Variants in DPYD observed in about 807,000 individuals in gnomAD.
DPYD encodes the protein dihydropyrimidine dehydrogenase [NADP(+)].
A neutral mutation model predicts 116.2 loss-of-function variants in DPYD; 109 were observed. The ratio of observed to expected loss-of-function variants is 0.94; its 90% confidence interval spans 0.80 to 1.10. DPYD has a LOEUF of 1.10. DPYD is among the 50% of genes least tolerant of loss of function. The pLI is 0.00. For synonymous variants in DPYD, 440 were observed against 432.0 expected (o/e 1.02, Z -0.23); for missense variants, 1,302 against 1,254.5 (o/e 1.04, Z -0.57).
At chr1:97,784,818 C>T (rs1226389591) in intron 3 of DPYD, among the ~76,000 whole-genome samples, 2 of 152,098 alleles carry the variant, frequency 1.3e-5, no homozygotes, top group Non-Finnish European at 2.9e-5. Context: ...TTCTTAAGGC[C>T]TCCATTTTTT....
intron 2 of DPYD, among the ~76,000 whole-genome samples, chr1:97,864,393 A>G (rs1207555290): frequency 6.6e-6 from 1 of 151,916 alleles, no homozygotes. Flanking sequence ...TTCAGTAAAC[A>G]TATTTGAATG....
rs1334198120 is a variant in DPYD, at chr1:97,469,397, C to A, written c.1741-19174G>T. 5.3e-4 allele frequency among the ~76,000 whole-genome samples: 43 copies of A among 80,800 alleles called. 1 individual carries two copies. Among genetic ancestry groups the A allele is most frequent in the African/African-American group, 2.2e-3 (41 of 18,466 alleles). The allele number at this position is 80,800 out of a possible 152,430, so 53.0% of individuals were successfully genotyped here. A position where few individuals can be genotyped will look rare whatever the true frequency, so the allele number is the denominator to read the frequency against. ...ATAGCTCTAAGGGAAGCTAAAATTG[C>A]AAAAAAAAAAAAAAAAAAAAAAAAA... On this transcript the variant is annotated intron_variant, in intron 13 of 22. Transcript: ENST00000370192.
chr1:97,842,505 C>G (rs549312646), intron 2 of DPYD, among the ~76,000 whole-genome samples: 6 of 152,018 alleles, frequency 3.9e-5, no homozygotes, highest in Non-Finnish European at 8.8e-5. Context: ...ATTGAGTAAT[C>G]CAAATATTTC....
intron 14 of DPYD, among the ~76,000 whole-genome samples, chr1:97,405,689 T>C (rs1673617483): frequency 6.6e-6 from 1 of 152,086 alleles, no homozygotes; most frequent in Non-Finnish European, 1.5e-5. Context: ...CTAATTTTTG[T>C]ATTTTTAGTA....
At chr1:97,096,643 T>G (rs1224769348) in intron 21 of DPYD, among the ~76,000 whole-genome samples, 1 of 152,054 alleles carries the variant, frequency 6.6e-6, no homozygotes, top group Non-Finnish European at 1.5e-5. Flanking sequence ...CTCTGTAAAA[T>G]GCACAAATCA....
intron 16 of DPYD, chr1:97,323,038 T>A (rs1298003606): frequency 1.3e-5 from 2 of 151,678 alleles, no homozygotes; most frequent in African/African-American, 4.8e-5. Flanking sequence ...TTTTTGGTTC[T>A]CCAATTCAAT....
At chr1:97,292,472 GAGAACAGCAT>G (rs957048100) in intron 18 of DPYD, among the ~76,000 whole-genome samples, 2 of 152,184 alleles carry the variant, frequency 1.3e-5, no homozygotes, top group African/African-American at 4.8e-5. Flanking sequence ...TCACTATCAT[GAGAACAGCAT>G]AGAGGTAACT....
chr1:97,511,098 T>G (rs970430789), intron 13 of DPYD, among the ~76,000 whole-genome samples: 17 of 151,846 alleles, frequency 1.1e-4, no homozygotes, highest in Non-Finnish European at 2.5e-4. Flanking sequence ...CCCTGTGAAG[T>G]AGGAGAACTG....
intron 15 of DPYD, among the ~76,000 whole-genome samples, chr1:97,381,063 C>A (rs1671929086): frequency 6.6e-6 from 1 of 152,136 alleles, no homozygotes; most frequent in Non-Finnish European, 1.5e-5. Context: ...GTTATGTAGA[C>A]TGCTCTCCTA....
At position 97,078,459 on chromosome 1, in the gene DPYD, A is replaced by G. The variant is rs1012236471; in HGVS notation, c.*517T>C. 5.7e-6 allele frequency: 1 copy of G among 173,938 alleles called. No individual in the cohort carries two copies. Among genetic ancestry groups the G allele is most frequent in the African/African-American group, 2.4e-5 (1 of 41,562 alleles). 10.8% of individuals were successfully genotyped at this position (173,938 alleles called of 1,614,324 possible). On this transcript the variant is annotated 3_prime_UTR_variant, in exon 23 of 23. Coordinates refer to ENST00000370192, the MANE Select transcript of DPYD (RefSeq NM_000110.4). ...CTTTCTTATCCTGCCATAGCAAATA[A>G]TTTTTTGACTTTCTTCATTTGTACT...
At chr1:97,384,412 G>C (rs549677639) in intron 14 of DPYD, among the ~76,000 whole-genome samples, 2 of 151,980 alleles carry the variant, frequency 1.3e-5, no homozygotes, top group East Asian at 1.9e-4. Context: ...CACCATGAAA[G>C]CTGGAGCTGC....
intron 14 of DPYD, among the ~76,000 whole-genome samples, chr1:97,383,111 T>C (rs1460925004): frequency 6.6e-6 from 1 of 152,160 alleles, no homozygotes; most frequent in East Asian, 1.9e-4. Context: ...CACTTACTTG[T>C]GGCCCTGAGC....
intron 10 of DPYD, chr1:97,586,011 G>A: frequency 4.4e-6 from 1 of 226,630 alleles, no homozygotes; most frequent in South Asian, 8.3e-5. Flanking sequence ...ATGCCCATCT[G>A]AAAGGATGAT....
chr1:97,866,253 G>A (rs535857124), intron 2 of DPYD, among the ~76,000 whole-genome samples: 1 of 151,940 alleles, frequency 6.6e-6, no homozygotes, highest in Non-Finnish European at 1.5e-5. Context: ...AGGACGGCTC[G>A]TGCAGAGCAA....
At chr1:97,653,201 G>C (rs986516924) in intron 8 of DPYD, among the ~76,000 whole-genome samples, 2 of 152,056 alleles carry the variant, frequency 1.3e-5, no homozygotes, top group Admixed American at 1.3e-4. Flanking sequence ...ATAGTGCATG[G>C]ACAAATAATA....
chr1:97,084,155 G>A (rs139358146), intron 21 of DPYD, among the ~76,000 whole-genome samples: 16 of 152,058 alleles, frequency 1.1e-4, no homozygotes, highest in South Asian at 2.1e-4. Flanking sequence ...TACCACGCTG[G>A]CATTTAAGGC....
At chr1:97,886,031 T>C (rs1383538565) in intron 1 of DPYD, among the ~76,000 whole-genome samples, 1 of 151,876 alleles carries the variant, frequency 6.6e-6, no homozygotes, top group Non-Finnish European at 1.5e-5. Flanking sequence ...ACTGCAAAAA[T>C]AGTAAAAATG....
chr1:97,574,396 A>C (rs1653126954), intron 10 of DPYD, among the ~76,000 whole-genome samples: 1 of 152,120 alleles, frequency 6.6e-6, no homozygotes, highest in Non-Finnish European at 1.5e-5. Flanking sequence ...AAAGTCAATA[A>C]AGTGGGTGAG....
intron 13 of DPYD, among the ~76,000 whole-genome samples, chr1:97,505,591 T>A (rs985420257): frequency 2.0e-5 from 3 of 151,914 alleles, no homozygotes; most frequent in Non-Finnish European, 4.4e-5. Flanking sequence ...TTAAGTCATC[T>A]TACATCTTTT....
Sources: allele counts gnomAD v4.1 joint callset (sites outside exome capture counted in the v4.1 genomes callset), GRCh38; gene constraint gnomAD v4.1.1; transcripts MANE v1.5; gene names NCBI Gene and HGNC (gene_info 2026-07-23, HGNC 2026-07-21).